The following ZNF671 variants were observed in gnomAD, a reference collection of about 807,000 sequenced individuals.
ZNF671 encodes hypothetical protein FLJ23506.
A neutral mutation model predicts 16.6 loss-of-function variants in ZNF671; 19 were observed. The observed-to-expected ratio is 1.14, with a 90% CI of 0.80 to 1.68. The LOEUF (loss-of-function observed/expected upper bound fraction) is 1.68. Among genes scored for constraint, ZNF671 ranks in the 40% most tolerant of loss-of-function variants. The probability of loss-of-function intolerance (pLI) is 0.00; values close to 1 mark genes in which losing one functional copy is unlikely to be tolerated. For synonymous variants in ZNF671, 238 were observed against 236.3 expected (o/e 1.01, Z -0.06); for missense variants, 637 against 659.8 (o/e 0.97, Z 0.38).
At chr19:57,727,085 C>T in intron 1 of ZNF671, 1 of 312,088 alleles carries the variant, frequency 3.2e-6, no homozygotes, top group Non-Finnish European at 5.9e-6. Flanking sequence ...TATTCAAAAC[C>T]CTCAGTTAAT....
intron 1 of ZNF671, among the ~76,000 whole-genome samples, chr19:57,724,152 A>G (rs1452000608): frequency 6.6e-6 from 1 of 152,058 alleles, no homozygotes; most frequent in Admixed American, 6.6e-5. Context: ...AAGCCTCCCA[A>G]TCTGGCCCTG....
intron 1 of ZNF671, among the ~76,000 whole-genome samples, chr19:57,725,339 G>A (rs1986008233): frequency 6.6e-6 from 1 of 151,922 alleles, no homozygotes; most frequent in African/African-American, 2.4e-5. Flanking sequence ...GGTGGCGGGT[G>A]CCTGTAATTC....
At chr19:57,724,593 T>C (rs543487155) in intron 1 of ZNF671, among the ~76,000 whole-genome samples, 181 of 152,112 alleles carry the variant, frequency 1.2e-3, no homozygotes, top group Middle Eastern at 3.4e-3. Flanking sequence ...TGGCACGATC[T>C]TGGCTCACTG....
rs966043605 is a variant in ZNF671 at position 57,720,516 on chromosome 19, G to A, written c.1570C>T (p.Leu524=). The change falls in exon 4 of 4, where the codon CTG becomes TTG. Residue 524 remains leucine (L), a synonymous_variant. Coordinates refer to ENST00000317398, the MANE Select transcript of ZNF671 (RefSeq NM_024833.3). ...TCTCCAGCATGAACCCTCTGGTGCA[G>A]AACAAGTGTCTGTTTCCGGATGAAT... is the stretch of plus-strand genomic sequence containing the variant. ...REFIRKQTLV[L]HQRVHAGEKL The A allele has an allele frequency of 6.2e-7, 1 of 1,614,216 alleles. No individual in the cohort carries two copies. Among genetic ancestry groups the A allele is most frequent in the Non-Finnish European group, 8.5e-7 (1 of 1,180,028 alleles).
Position 57,727,417 on chromosome 19 carries a change from T to A in ZNF671, c.112A>T (p.Met38Leu), listed in dbSNP as rs772742488. 3 of 1,612,522 alleles carry A rather than the reference T, an allele frequency of 1.9e-6. No homozygotes were observed. Among genetic ancestry groups the A allele is most frequent in the African/African-American group, 1.3e-5 (1 of 74,978 alleles). Reference sequence around the variant, plus strand: ...CGCGCGGAGTCCGTTAGCTCCGCCATAGGACCGTGGGCGCGGACAGCTGCC... The same window carrying A: ...CGCGCGGAGTCCGTTAGCTCCGCCAAAGGACCGTGGGCGCGGACAGCTGCC... ...LPAAVRAHGP[M>L]AELTDSARGC... The change falls in exon 1 of 4, where the codon ATG becomes TTG. Residue 38 changes from methionine to leucine, a missense_variant. Met to Leu is a conservative substitution (Grantham distance 15). Transcript: ENST00000317398.
Position 57,723,213 on chromosome 19 carries a change from C to G in ZNF671, c.265+1G>C. ...AAGGCAGAAAAGCATGAGGACCTTA[C>G]CCAGTGAGGCTAAAAGTGCAAAGTT... On this transcript the variant is annotated splice_donor_variant, in intron 2 of 3. Coordinates refer to ENST00000317398, the MANE Select transcript of ZNF671 (RefSeq NM_024833.3). LOFTEE classifies it high-confidence loss of function. 2 of 1,609,448 alleles carry G rather than the reference C, an allele frequency of 1.2e-6. No individual in the cohort carries two copies. The highest frequency in any genetic ancestry group is 1.1e-5 in the South Asian group (1 of 90,618).
Position 57,721,552 on chromosome 19 carries a change from G to A in ZNF671, c.534C>T (p.His178=), listed in dbSNP as rs1293368276. 1 of 1,614,062 alleles carries A rather than the reference G, an allele frequency of 6.2e-7. No individual in the cohort carries two copies. Among genetic ancestry groups the A allele is most frequent in the Non-Finnish European group, 8.5e-7 (1 of 1,180,050 alleles). ...ICGPILKDTL[H]LAKYHGGKAR... is the part of the protein sequence containing the mutation. ...CTTTTCCCCCATGGTATTTAGCCAGGTGTAAGGTATCTTTCAATATTGGGC... is the reference window on the plus strand; with the variant it reads ...CTTTTCCCCCATGGTATTTAGCCAGATGTAAGGTATCTTTCAATATTGGGC... Residue 178 remains histidine, a synonymous_variant, in exon 4 of 4, where the codon CAC becomes CAT. Transcript: ENST00000317398.
Position 57,720,457 on chromosome 19 carries a change from C to CT in ZNF671, c.*23dup. 1 of 1,602,082 alleles carries CT rather than the reference C, an allele frequency of 6.2e-7. No homozygotes were observed. The highest frequency in any genetic ancestry group is 8.5e-7 in the Non-Finnish European group (1 of 1,171,668). On this transcript the variant is annotated 3_prime_UTR_variant, in exon 4 of 4. Coordinates refer to ENST00000317398, the MANE Select transcript of ZNF671 (RefSeq NM_024833.3). The stretch of plus-strand genomic sequence containing the variant: ...GTAAGTCAGGGGCATTGGCCTAAGA[C>CT]TTTCCCCCACATTTGCTACACTCTT...
rs1263749572 is a variant in ZNF671 at position 57,723,269 on chromosome 19, C to T, written c.210G>A (p.Gln70=). 6.2e-7 allele frequency: 1 copy of T among 1,613,918 alleles called. No homozygotes were observed. The highest frequency in any genetic ancestry group is 1.1e-5 in the South Asian group (1 of 91,058). The stretch of plus-strand genomic sequence containing the variant: ...GCATCACATCATGGTACAAAAGTCT[C>T]TGAGCATCATCAAGAAGCTCCCATT... The part of the protein sequence containing the change: ...REEWELLDDA[Q]RLLYHDVMLE... The change falls in exon 2 of 4, where the codon CAG becomes CAA. Residue 70 remains glutamine (Q), a synonymous_variant. Transcript: ENST00000317398.
At chr19:57,727,171 T>C in intron 1 of ZNF671, 1 of 518,786 alleles carries the variant, frequency 1.9e-6, no homozygotes, top group Non-Finnish European at 3.3e-6. Flanking sequence ...CTGCTCTGTG[T>C]TGATGAGAAC....
At chr19:57,727,217 C>G in intron 1 of ZNF671, 174 bp downstream of exon 1, 1 of 878,924 alleles carries the variant, frequency 1.1e-6, no homozygotes, top group Admixed American at 3.3e-5. Context: ...AGCAGCACCC[C>G]CGAGCCTTTA....
chr19:57,721,901 G>A, intron 3 of ZNF671: 1 of 694,882 alleles, frequency 1.4e-6, no homozygotes, highest in Non-Finnish European at 2.3e-6. Flanking sequence ...TGAAGGGCCA[G>A]GATATAAGAA....
At position 57,720,888 on chromosome 19, in the gene ZNF671, T is replaced by C. The variant is rs201280535; in HGVS notation, c.1198A>G (p.Ser400Gly). 2 of 1,614,116 alleles carry C rather than the reference T, an allele frequency of 1.2e-6. No homozygotes were observed. The highest frequency in any genetic ancestry group is 2.2e-5 in the East Asian group (1 of 44,876). The change falls in exon 4 of 4, where the codon AGC becomes GGC. Residue 400 changes from serine (S) to glycine (G), a missense_variant. Coordinates refer to ENST00000317398, the MANE Select transcript of ZNF671 (RefSeq NM_024833.3). ...VHTGARPYVC[S>G]ECGKEFSRKH... ...CGACTGAACTCTTTCCCACATTCGC[T>C]GCATACATAAGGCCTGGCTCCTGTG... is the stretch of plus-strand genomic sequence containing the variant.
chr19:57,725,234 C>T (rs1395968498), intron 1 of ZNF671, among the ~76,000 whole-genome samples: 2 of 148,812 alleles, frequency 1.3e-5, no homozygotes, highest in Non-Finnish European at 3.0e-5. Flanking sequence ...GAGGCCGAGG[C>T]GGGTGGATCT....
At chr19:57,726,312 A>G (rs1427223471) in intron 1 of ZNF671, among the ~76,000 whole-genome samples, 1 of 151,684 alleles carries the variant, frequency 6.6e-6, no homozygotes, top group Non-Finnish European at 1.5e-5. Flanking sequence ...CTTCGTCTCA[A>G]AAAAAATAAA....
chr19:57,721,826 A>C lies in ZNF671; in HGVS notation c.389-129T>G, dbSNP rs1011781204. The C allele has an allele frequency of 1.5e-5, 20 of 1,296,172 alleles. No individual in the cohort carries two copies. The South Asian group carries it at 2.7e-4, about 18-fold the overall frequency. 80.3% of individuals were successfully genotyped at this position (1,296,172 alleles called of 1,614,324 possible). A position where few individuals can be genotyped will look rare whatever the true frequency, so the allele number is the denominator to read the frequency against. On this transcript the variant is annotated intron_variant, in intron 3 of 3. Coordinates refer to ENST00000317398, the MANE Select transcript of ZNF671 (RefSeq NM_024833.3). ...TGTTTTCAGAATGAGAGGCATGGTC[A>C]GAGTGAGGAAGGAATGGCTTTGAGG... is the stretch of plus-strand genomic sequence containing the variant.
rs1231690768 is a variant in ZNF671 at position 57,727,442 on chromosome 19, C to T, written c.87G>A (p.Pro29=). Residue 29 remains proline, a synonymous_variant, in exon 1 of 4, where the codon CCG becomes CCA. Coordinates refer to ENST00000317398, the MANE Select transcript of ZNF671 (RefSeq NM_024833.3). ...TAGGACCGTGGGCGCGGACAGCTGC[C>T]GGGAGCGGCAGGCGTCTCGATCGGG... ...LRPRSRRLPL[P]AAVRAHGPMA... 1 of 1,613,152 alleles carries T rather than the reference C, an allele frequency of 6.2e-7. No homozygotes were observed. Among genetic ancestry groups the T allele is most frequent in the Non-Finnish European group, 8.5e-7 (1 of 1,179,672 alleles).
Position 57,727,593 on chromosome 19 carries a change from G to T in ZNF671, c.-65C>A, listed in dbSNP as rs1600055827. The T allele has an allele frequency of 3.2e-6, 5 of 1,547,762 alleles. 1 individual carries two copies. The highest frequency in any genetic ancestry group is 4.4e-6 in the Non-Finnish European group (5 of 1,140,468). On this transcript the variant is annotated 5_prime_UTR_variant, in exon 1 of 4. Coordinates refer to ENST00000317398, the MANE Select transcript of ZNF671 (RefSeq NM_024833.3). Reference sequence around the variant, plus strand: ...ACAAGCGTTACAGAACCCCGGCCAGGGACAGCCTGACAGAAACAAAATGTC... The same window carrying T: ...ACAAGCGTTACAGAACCCCGGCCAGTGACAGCCTGACAGAAACAAAATGTC...
rs761390984 is a variant in ZNF671 at position 57,721,153 on chromosome 19, C to G, written c.933G>C (p.Arg311Ser). Residue 311 changes from arginine (R) to serine (S), a missense_variant, in exon 4 of 4, where the codon AGG becomes AGC. Coordinates refer to ENST00000317398, the MANE Select transcript of ZNF671 (RefSeq NM_024833.3). The stretch of plus-strand genomic sequence containing the variant: ...TCCCACATTCGTTACACTCATAAGG[C>G]CTTTCTCCAGTGTGGATTCTCTGAT... ...ARHQRIHTGE[R>S]PYECNECGKF... The G allele has an allele frequency of 1.2e-6, 2 of 1,614,050 alleles. No individual in the cohort carries two copies. The highest frequency in any genetic ancestry group is 1.1e-5 in the South Asian group (1 of 91,074).
Sources: allele counts gnomAD v4.1 joint callset (sites outside exome capture counted in the v4.1 genomes callset), GRCh38; gene constraint gnomAD v4.1.1; transcripts MANE v1.5; gene names NCBI Gene and HGNC (gene_info 2026-07-23, HGNC 2026-07-21).